PGM2L1: variants seen among roughly 807,000 people sequenced by gnomAD.
The protein encoded by PGM2L1 is glucose 1,6-bisphosphate synthase.
A neutral mutation model predicts 73.4 loss-of-function variants in PGM2L1; 35 were observed. The ratio of observed to expected loss-of-function variants is 0.48; its 90% confidence interval spans 0.36 to 0.63. The LOEUF (loss-of-function observed/expected upper bound fraction) is 0.63, where lower values mean the gene tolerates loss of function less well. Ranked by LOEUF, PGM2L1 falls within the 30% of genes least tolerant of loss-of-function variation. The probability of loss-of-function intolerance (pLI) is 0.00; values close to 1 mark genes in which losing one functional copy is unlikely to be tolerated. For missense variants in PGM2L1, 570 were observed against 742.0 expected, an observed-to-expected ratio of 0.77 and a Z score of 2.69; for synonymous variants, 225 against 253.8, an observed-to-expected ratio of 0.89 and a Z score of 1.08.
At chr11:74,336,801 T>A in intron 13 of PGM2L1, 47 bp from the exon 14 acceptor site, 1 of 1,307,692 alleles carries the variant, frequency 7.6e-7, no homozygotes, top group Non-Finnish European at 1.1e-6. Flanking sequence ...TTCATAGGCT[T>A]AAAATTTATT....
intron 1 of PGM2L1, among the ~76,000 whole-genome samples, chr11:74,395,535 G>A (rs1863159236): frequency 7.3e-6 from 1 of 137,234 alleles, no homozygotes. Context: ...ACAGGCACGT[G>A]ACACCTCGCC....
At chr11:74,350,833 T>C (rs1341898153) in intron 6 of PGM2L1, among the ~76,000 whole-genome samples, 1 of 151,428 alleles carries the variant, frequency 6.6e-6, no homozygotes, top group Non-Finnish European at 1.5e-5. Flanking sequence ...GCCCAGATCG[T>C]GCCACTGCAC....
In PGM2L1 at chr11:74,356,440, A is replaced by G. The variant is rs540503245; in HGVS notation, c.556-4864T>C. On this transcript the variant is annotated intron_variant, in intron 5 of 13. Transcript: ENST00000298198. ...TTTAATTATCTTGGAAAAAATATTT[A>G]AGATGCTACTAAAGAATCTAAAAGA... Among the ~76,000 whole-genome samples the G allele has an allele frequency of 2.2e-4, 34 of 152,352 alleles. 1 individual carries two copies. In the East Asian group the frequency reaches 6.2e-3, roughly 28 times the overall value.
Position 74,345,804 on chromosome 11 carries a change from T to A in PGM2L1, c.1038-155A>T, listed in dbSNP as rs137976380. Among the ~76,000 whole-genome samples, 306 of 152,318 alleles carry A rather than the reference T, an allele frequency of 2.0e-3. 2 individuals are homozygous for A. Among genetic ancestry groups the A allele is most frequent in the South Asian group, 0.018 (88 of 4,828 alleles). On this transcript the variant is annotated intron_variant, in intron 8 of 13. Coordinates refer to ENST00000298198, the MANE Select transcript of PGM2L1 (RefSeq NM_173582.6). Reference sequence around the variant, plus strand: ...CATTTATTACTACTTCTTTTCTAACTGACCAGGGGTGATTTTACGGTAGGA... The same window carrying A: ...CATTTATTACTACTTCTTTTCTAACAGACCAGGGGTGATTTTACGGTAGGA...
At position 74,334,128 on chromosome 11, in the gene PGM2L1, A is replaced by G. The variant is rs1862055551; in HGVS notation, c.*2524T>C. The G allele has an allele frequency of 6.6e-6, 1 of 152,252 alleles. No individual in the cohort carries two copies. 9.4% of individuals were successfully genotyped at this position (152,252 alleles called of 1,614,324 possible). On this transcript the variant is annotated 3_prime_UTR_variant, in exon 14 of 14. Transcript: ENST00000298198. ...TCAGGAACATTTGTAAAATTTTGTT[A>G]ACTTGAGAGAAGAACACTTCAATAA...
rs114698469 is a variant in PGM2L1 at position 74,340,340 on chromosome 11, A to G, written c.1633-1739T>C. 9.4e-3 allele frequency among the ~76,000 whole-genome samples: 1,427 copies of G among 152,338 alleles called. 26 individuals carry two copies. The highest frequency in any genetic ancestry group is 0.031 in the African/African-American group (1,270 of 41,566). On this transcript the variant is annotated intron_variant, in intron 12 of 13. Coordinates refer to ENST00000298198, the MANE Select transcript of PGM2L1 (RefSeq NM_173582.6). ...ATTATACCATAGGCTACTTGAGCAC[A>G]GCAAACTAGAGAAATAAAAAGAAGC...
Position 74,398,227 on chromosome 11 carries a change from G to T in PGM2L1, c.-66C>A. The T allele has an allele frequency of 6.5e-7, 1 of 1,540,674 alleles. No homozygotes were observed. Among genetic ancestry groups the T allele is most frequent in the South Asian group, 1.2e-5 (1 of 80,202 alleles). The stretch of plus-strand genomic sequence containing the variant: ...ACTGAGTTGGGGTGGGGGGTGGCTT[G>T]GGGTTCGCTCACCAGGGTCCAGGCG... On this transcript the variant is annotated 5_prime_UTR_variant, in exon 1 of 14. Coordinates refer to ENST00000298198, the MANE Select transcript of PGM2L1 (RefSeq NM_173582.6).
intron 2 of PGM2L1, among the ~76,000 whole-genome samples, chr11:74,372,345 T>C (rs1862779511): frequency 1.3e-5 from 2 of 152,186 alleles, no homozygotes; most frequent in South Asian, 4.1e-4. Flanking sequence ...TGTAATTCTT[T>C]GGTTTTAAAA....
chr11:74,374,631 T>TA (rs1862830186), intron 1 of PGM2L1, 49 bp from the exon 2 acceptor site: 1 of 1,546,768 alleles, frequency 6.5e-7, no homozygotes, highest in Non-Finnish European at 8.9e-7. Context: ...AGCAGAGTCC[T>TA]AATATTAAGC....
chr11:74,354,594 C>G lies in PGM2L1; in HGVS notation c.556-3018G>C, dbSNP rs181154160. ...GTGTGGTAATGAAAGACCCAAACAC[C>G]AAGTGCTCCAGGGGCTTTGGGTTTG... On this transcript the variant is annotated intron_variant, in intron 5 of 13. Transcript: ENST00000298198. 1.0e-4 allele frequency: 112 copies of G among 1,124,216 alleles called. No individual in the cohort carries two copies. The African/African-American group carries it at 1.5e-3, about 15-fold the overall frequency. 69.6% of individuals were successfully genotyped at this position (1,124,216 alleles called of 1,614,324 possible).
chr11:74,369,019 CT>C (rs1862707641), intron 4 of PGM2L1, among the ~76,000 whole-genome samples: 1 of 152,168 alleles, frequency 6.6e-6, no homozygotes, highest in Non-Finnish European at 1.5e-5. Flanking sequence ...TAGCTCCAGT[CT>C]CCCAACAACA....
intron 5 of PGM2L1, chr11:74,355,249 A>G: frequency 7.7e-7 from 1 of 1,294,304 alleles, no homozygotes; most frequent in South Asian, 1.2e-5. Flanking sequence ...AATTACAACA[A>G]TCAGTCTTCA....
chr11:74,354,528 G>T, intron 5 of PGM2L1: 1 of 1,244,742 alleles, frequency 8.0e-7, no homozygotes, highest in Non-Finnish European at 1.2e-6. Flanking sequence ...ACCGATGAGA[G>T]CCTGAGGAGC....
intron 2 of PGM2L1, among the ~76,000 whole-genome samples, chr11:74,373,876 C>T (rs1445970068): frequency 2.6e-5 from 4 of 152,018 alleles, no homozygotes; most frequent in African/African-American, 4.8e-5. Context: ...ACCAAAATAA[C>T]GCTTAATCAG....
chr11:74,398,384 G>A lies in PGM2L1; in HGVS notation c.-223C>T, dbSNP rs1863216949. On this transcript the variant is annotated 5_prime_UTR_variant, in exon 1 of 14. Coordinates refer to ENST00000298198, the MANE Select transcript of PGM2L1 (RefSeq NM_173582.6). ...CCCAGCGGACCAGGTCCGGGTCTCTGGGCGAAGTGACTGAGGCGGTCGCGC... is the reference window on the plus strand; with the variant it reads ...CCCAGCGGACCAGGTCCGGGTCTCTAGGCGAAGTGACTGAGGCGGTCGCGC... The A allele has an allele frequency of 3.4e-6, 2 of 591,974 alleles. No individual in the cohort carries two copies. The highest frequency in any genetic ancestry group is 1.9e-5 in the African/African-American group (1 of 52,514). The allele number at this position is 591,974 out of a possible 1,614,324, so 36.7% of individuals were successfully genotyped here.
intron 5 of PGM2L1, chr11:74,355,598 A>T: frequency 2.4e-6 from 1 of 412,094 alleles, no homozygotes. Flanking sequence ...CATGAAGGGA[A>T]GAAACTTTGG....
intron 12 of PGM2L1, among the ~76,000 whole-genome samples, chr11:74,341,972 G>A (rs1177317662): frequency 1.3e-5 from 2 of 152,026 alleles, no homozygotes; most frequent in African/African-American, 4.8e-5. Flanking sequence ...TGGTGGGAGT[G>A]TCTTTTAGCA....
intron 5 of PGM2L1, among the ~76,000 whole-genome samples, chr11:74,367,814 T>G (rs556775132): frequency 6.6e-6 from 1 of 152,352 alleles, no homozygotes; most frequent in East Asian, 1.9e-4. Context: ...TCTCTGTCCC[T>G]ATGAATGGTA....
chr11:74,380,303 A>C (rs970281309), intron 1 of PGM2L1, among the ~76,000 whole-genome samples: 2 of 152,214 alleles, frequency 1.3e-5, no homozygotes, highest in South Asian at 4.1e-4. Context: ...GGAGCAGAAC[A>C]GCTTTTCTAA....
Sources: allele counts gnomAD v4.1 joint callset (sites outside exome capture counted in the v4.1 genomes callset), GRCh38; gene constraint gnomAD v4.1.1; transcripts MANE v1.5; gene names NCBI Gene and HGNC (gene_info 2026-07-23, HGNC 2026-07-21).